The following ASH2L variants were observed in gnomAD, a reference collection of about 807,000 sequenced individuals.
The protein encoded by ASH2L is ASH2 like, histone lysine methyltransferase complex subunit.
In ASH2L, 30 loss-of-function variants were observed where a neutral mutation model predicts 81.1. The ratio of observed to expected loss-of-function variants is 0.37; its 90% CI spans 0.28 to 0.50. ASH2L has a LOEUF of 0.50. Among genes scored for constraint, ASH2L ranks in the 20% least tolerant of loss-of-function variants. The pLI is 0.95. For synonymous variants in ASH2L, 273 were observed against 279.9 expected (o/e 0.98, Z 0.24); for missense variants, 559 against 792.1 (o/e 0.71, Z 3.53).
chr8:38,106,045 T>C (rs1168320968), intron 1 of ASH2L: 10 of 1,526,210 alleles, frequency 6.6e-6, no homozygotes, highest in Non-Finnish European at 7.9e-6. Context: ...GAAACCACTT[T>C]GCAGTGCCAG....
Position 38,107,900 on chromosome 8 carries a change from GTGTGTA to G in ASH2L, c.401+736_401+741del, listed in dbSNP as rs1402477775. The stretch of plus-strand genomic sequence containing the variant: ...TGTGTGTGTGTGTGTGTGTGTGTGT[GTGTGTA>G]TATGTATATATATATACATATATAT... On this transcript the variant is annotated intron_variant, in intron 3 of 15. Coordinates refer to ENST00000343823, the MANE Select transcript of ASH2L (RefSeq NM_004674.5). Among the ~76,000 whole-genome samples the G allele has an allele frequency of 2.4e-4, 34 of 144,376 alleles. 2 individuals carry two copies. Among genetic ancestry groups the G allele is most frequent in the African/African-American group, 9.2e-4 (34 of 37,108 alleles). 94.7% of individuals were successfully genotyped at this position (144,376 alleles called of 152,430 possible).
chr8:38,114,087 T>G, intron 5 of ASH2L, 105 bp from the exon 6 acceptor site: 1 of 686,496 alleles, frequency 1.5e-6, no homozygotes, highest in Non-Finnish European at 2.4e-6. Context: ...CTAACATGGA[T>G]TTTTCTCTTG....
intron 12 of ASH2L, among the ~76,000 whole-genome samples, chr8:38,132,872 G>A (rs1802114664): frequency 6.6e-6 from 1 of 151,776 alleles, no homozygotes; most frequent in Non-Finnish European, 1.5e-5. Context: ...CAAGGCGGGT[G>A]GATCACCTGA....
chr8:38,131,878 A>T (rs1802072940), intron 12 of ASH2L, among the ~76,000 whole-genome samples: 1 of 149,334 alleles, frequency 6.7e-6, no homozygotes, highest in African/African-American at 2.5e-5. Context: ...ACAGAGTCTC[A>T]TTCTGTCGCC....
rs1810391491 is a variant in ASH2L, at chr8:38,105,736, C to T, written c.186C>T (p.Gly62=). 2 of 1,518,278 alleles carry T rather than the reference C, an allele frequency of 1.3e-6. No homozygotes were observed. The highest frequency in any genetic ancestry group is 1.4e-5 in the African/African-American group (1 of 70,504). The allele number at this position is 1,518,278 out of a possible 1,614,324, so 94.1% of individuals were successfully genotyped here. The change falls in exon 1 of 16, where the codon GGC becomes GGT. Residue 62 remains glycine (G), a splice_region_variant and synonymous_variant. Transcript: ENST00000343823. The stretch of plus-strand genomic sequence containing the variant: ...AGCCCAGTTCCGGGGAGGCTGAAGG[C>T]GGGTAAGAGGTCCTGCCGCCCGAGG... ...TVEPSSGEAE[G]GEANLVDVSG... is the part of the protein sequence containing the mutation.
chr8:38,120,789 T>TA (rs981069375), intron 9 of ASH2L, 143 bp from the exon 10 acceptor site: 10 of 667,020 alleles, frequency 1.5e-5, no homozygotes, highest in African/African-American at 3.6e-5. Context: ...AGGGCAGAGT[T>TA]ACTTATTTGA....
rs760286327 is a variant in ASH2L, at chr8:38,128,408, A to G, written c.1283A>G (p.Asp428Gly). 5.6e-6 allele frequency: 9 copies of G among 1,614,142 alleles called. No homozygotes were observed. The highest frequency in any genetic ancestry group is 7.6e-6 in the Non-Finnish European group (9 of 1,180,016). Reference protein sequence around the residue: ...KGAWYFEITVDEMPPDTAARL... With the variant: ...KGAWYFEITVGEMPPDTAARL... Reference sequence around the variant, plus strand: ...GCCTGGTATTTTGAAATCACTGTGGATGAGATGCCACCAGATACCGCTGCC... The same window carrying G: ...GCCTGGTATTTTGAAATCACTGTGGGTGAGATGCCACCAGATACCGCTGCC... Residue 428 changes from aspartate to glycine, a missense_variant, in exon 11 of 16, where the codon GAT becomes GGT. This residue lies in a region of ASH2L where 318 missense variants were observed against 527.0 expected (regional missense o/e 0.60). Coordinates refer to ENST00000343823, the MANE Select transcript of ASH2L (RefSeq NM_004674.5).
At chr8:38,137,433 G>A (rs1001630741) in intron 14 of ASH2L, 17 of 152,038 alleles carry the variant, frequency 1.1e-4, no homozygotes, top group Middle Eastern at 3.2e-3. Flanking sequence ...CCTGGTGGCG[G>A]GAGCCTGTAT....
At chr8:38,110,493 A>G in intron 4 of ASH2L, 26 bp downstream of exon 4, 1 of 1,588,642 alleles carries the variant, frequency 6.3e-7, no homozygotes, top group Non-Finnish European at 8.6e-7. Context: ...GGAGTATTTG[A>G]AGATGATTAT....
At chr8:38,107,837 A>G (rs1585562379) in intron 3 of ASH2L, among the ~76,000 whole-genome samples, 1 of 151,150 alleles carries the variant, frequency 6.6e-6, no homozygotes, top group African/African-American at 2.4e-5. Context: ...AAATTAATCC[A>G]CCTTGGGTGA....
Position 38,119,349 on chromosome 8 carries a change from C to A in ASH2L, c.933C>A (p.Thr311=). The A allele has an allele frequency of 6.5e-7, 1 of 1,544,466 alleles. No homozygotes were observed. Among genetic ancestry groups the A allele is most frequent in the Non-Finnish European group, 8.7e-7 (1 of 1,144,790 alleles). ...AGGATGGAGGGACCACAGGGACCAC[C>A]AAGAAGGCCCGGAGGTGGGGAGAGT... The part of the protein sequence containing the change: ...KQQDGGTTGT[T]KKARSDPLFS... Residue 311 remains threonine, a synonymous_variant, in exon 9 of 16, where the codon ACC becomes ACA. Coordinates refer to ENST00000343823, the MANE Select transcript of ASH2L (RefSeq NM_004674.5).
At chr8:38,108,063 G>GT (rs1179114716) in intron 3 of ASH2L, among the ~76,000 whole-genome samples, 1 of 152,076 alleles carries the variant, frequency 6.6e-6, no homozygotes, top group Admixed American at 6.6e-5. Flanking sequence ...CCCTTCCAAA[G>GT]TGTTGGGATT....
intron 7 of ASH2L, 122 bp from the exon 8 acceptor site, chr8:38,116,528 A>G: frequency 6.5e-6 from 5 of 767,710 alleles, no homozygotes; most frequent in South Asian, 6.3e-5. Flanking sequence ...GTAAGGCCCC[A>G]TCTCAGAAAA....
intron 12 of ASH2L, among the ~76,000 whole-genome samples, chr8:38,130,493 A>G (rs955270354): frequency 1.4e-4 from 22 of 151,838 alleles, no homozygotes; most frequent in African/African-American, 5.3e-4. Flanking sequence ...CATGAATTTA[A>G]AAAAAAATCT....
rs148398704 is a variant in ASH2L at position 38,128,217 on chromosome 8, T to C, written c.1166-74T>C. 745 of 1,548,286 alleles carry C rather than the reference T, an allele frequency of 4.8e-4. 5 individuals are homozygous for C. In the African/African-American group the frequency reaches 9.4e-3, roughly 19 times the overall value. On this transcript the variant is annotated intron_variant, in intron 10 of 15. Transcript: ENST00000343823. Reference sequence around the variant, plus strand: ...TGATTTTTAAATTGTTTTATTGGACTAATGTTTTTGTGGCAATTGTCCCCA... The same window carrying C: ...TGATTTTTAAATTGTTTTATTGGACCAATGTTTTTGTGGCAATTGTCCCCA...
At chr8:38,116,426 G>A (rs372897418) in intron 7 of ASH2L, among the ~76,000 whole-genome samples, 13 of 151,538 alleles carry the variant, frequency 8.6e-5, no homozygotes, top group East Asian at 5.8e-4. Context: ...CCAGCTACTC[G>A]GGAGGGTAAA....
chr8:38,135,650 C>T lies in ASH2L; in HGVS notation c.1621-18C>T, dbSNP rs528560604. On this transcript the variant is annotated intron_variant, in intron 13 of 15. Coordinates refer to ENST00000343823, the MANE Select transcript of ASH2L (RefSeq NM_004674.5). ...TCTTTTTTACAGTTCTGAAGTAAAA[C>T]CATGGTTTTTGTTTCAGATAATATT... 139 of 1,559,938 alleles carry T rather than the reference C, an allele frequency of 8.9e-5. 2 individuals carry two copies. In the South Asian group the frequency reaches 1.4e-3, roughly 16 times the overall value.
Position 38,139,099 on chromosome 8 carries a change from T to C in ASH2L, c.*28T>C. 6.6e-7 allele frequency: 1 copy of C among 1,514,218 alleles called. No individual in the cohort carries two copies. Among genetic ancestry groups the C allele is most frequent in the Non-Finnish European group, 9.0e-7 (1 of 1,116,172 alleles). The allele number at this position is 1,514,218 out of a possible 1,614,324, so 93.8% of individuals were successfully genotyped here. On this transcript the variant is annotated 3_prime_UTR_variant, in exon 16 of 16. Transcript: ENST00000343823. ...AGGTCCCTCTTTTCTGTCAAGGACT[T>C]TCTGGGAATAATACTGGGGGTTTTG...
At position 38,133,564 on chromosome 8, in the gene ASH2L, G is replaced by T. The variant is rs759279929; in HGVS notation, c.1620+18G>T. 41 of 1,563,288 alleles carry T rather than the reference G, an allele frequency of 2.6e-5. No individual in the cohort carries two copies. The highest frequency in any genetic ancestry group is 3.8e-5 in the Admixed American group (2 of 53,036). On this transcript the variant is annotated intron_variant, in intron 13 of 15. Transcript: ENST00000343823. The stretch of plus-strand genomic sequence containing the variant: ...ATAGTGAGGTGAGTCATGGCCATAA[G>T]AACATTAGAATCATAAGGCCTTGAG...
Sources: gnomAD v4.1 joint callset for allele counts (sites outside exome capture counted in the v4.1 genomes callset) on GRCh38, gnomAD v4.1.1 for gene constraint, gnomAD v4.1.1 regional missense constraint, MANE v1.5 for transcripts, NCBI Gene and HGNC (gene_info 2026-07-23, HGNC 2026-07-21) for gene names.